ANGPTL2: variants seen among roughly 807,000 people sequenced by gnomAD.
The protein encoded by ANGPTL2 is angiopoietin-related protein 2.
A neutral mutation model predicts 52.8 loss-of-function variants in ANGPTL2; 25 were observed. That is an observed-to-expected ratio of 0.47 (90% CI 0.35 to 0.66). ANGPTL2 has a LOEUF of 0.66. Ranked by LOEUF, ANGPTL2 falls within the 30% of genes least tolerant of loss-of-function variation. The pLI, the probability that ANGPTL2 is intolerant of heterozygous loss-of-function variation, is 0.01. For missense variants in ANGPTL2, 546 were observed against 656.9 expected (o/e 0.83, Z 1.84); for synonymous variants, 276 against 277.4 (o/e 1.00, Z 0.05).
At chr9:127,114,198 T>G (rs1207172663) in intron 1 of ANGPTL2, among the ~76,000 whole-genome samples, 1 of 152,238 alleles carries the variant, frequency 6.6e-6, no homozygotes, top group African/African-American at 2.4e-5. Context: ...GGGACACAAC[T>G]CACATTCATA....
At chr9:127,108,818 ACCACTGTCAGTG>A (rs1564596429) in intron 1 of ANGPTL2, 38 bp from the exon 2 acceptor site, 2 of 1,377,084 alleles carry the variant, frequency 1.5e-6, no homozygotes, top group African/African-American at 2.9e-5. Context: ...TGATGGTCCC[ACCACTGTCAGTG>A]CCCTGTGCCA....
At chr9:127,114,102 A>C (rs938670858) in intron 1 of ANGPTL2, among the ~76,000 whole-genome samples, 57 of 152,172 alleles carry the variant, frequency 3.7e-4, no homozygotes, top group African/African-American at 1.4e-3. Flanking sequence ...TATCTCACTT[A>C]ATCTTCCCAA....
intron 2 of ANGPTL2, among the ~76,000 whole-genome samples, chr9:127,102,537 A>G (rs960243654): frequency 1.6e-4 from 24 of 152,170 alleles, no homozygotes; most frequent in Non-Finnish European, 2.6e-4. Context: ...GATTTTTTTA[A>G]CAGTAACAAG....
chr9:127,108,080 G>C lies in ANGPTL2; in HGVS notation c.652C>G (p.Pro218Ala), dbSNP rs766591374. ...PSARPVPQPP[P>A]AAPPRVYQPP... The stretch of plus-strand genomic sequence containing the variant: ...TGGTAGACCCGGGGCGGGGCAGCGG[G>C]GGGTGGCTGGGGGACGGGCCTGGCC... The change falls in exon 2 of 5, where the codon CCC (proline) becomes GCC (alanine). Residue 218 changes from proline (P) to alanine (A), a missense_variant. Transcript: ENST00000373425. 6.2e-7 allele frequency: 1 copy of C among 1,611,612 alleles called. No homozygotes were observed. Among genetic ancestry groups the C allele is most frequent in the Non-Finnish European group, 8.5e-7 (1 of 1,178,760 alleles).
At chr9:127,089,490 C>T (rs955640542) in intron 4 of ANGPTL2, among the ~76,000 whole-genome samples, 23 of 152,226 alleles carry the variant, frequency 1.5e-4, no homozygotes, top group African/African-American at 5.5e-4. Context: ...GCAAAGGAGG[C>T]CCCAAGGGAA....
chr9:127,090,020 G>A lies in ANGPTL2; in HGVS notation c.1283-882C>T, dbSNP rs189924069. Among the ~76,000 whole-genome samples the A allele has an allele frequency of 5.1e-3, 770 of 152,328 alleles. 3 individuals carry two copies. Among genetic ancestry groups the A allele is most frequent in the Non-Finnish European group, 6.2e-3 (423 of 68,032 alleles). ...GGCCGTGGGATGAGGTGAGGAGGTC[G>A]CACTCAGTCTGAGGCAGAAAGCAAG... On this transcript the variant is annotated intron_variant, in intron 4 of 4. Transcript: ENST00000373425.
chr9:127,101,536 C>T (rs1004162974), intron 2 of ANGPTL2, among the ~76,000 whole-genome samples: 5 of 152,224 alleles, frequency 3.3e-5, no homozygotes, highest in Non-Finnish European at 7.3e-5. Flanking sequence ...TCCTGAGCTG[C>T]ATCCCCTTTG....
chr9:127,102,685 A>G (rs1458854076), intron 2 of ANGPTL2, among the ~76,000 whole-genome samples: 7 of 152,216 alleles, frequency 4.6e-5, no homozygotes, highest in Admixed American at 4.6e-4. Context: ...CCAAGGTACC[A>G]GAAGAGGAGG....
intron 4 of ANGPTL2, 45 bp from the exon 5 acceptor site, chr9:127,089,183 T>A: frequency 6.3e-7 from 1 of 1,599,414 alleles, no homozygotes; most frequent in Non-Finnish European, 8.6e-7. Context: ...AGGAGGCCAT[T>A]CTACTTGCGT....
chr9:127,117,588 G>A (rs2055570320), intron 1 of ANGPTL2, among the ~76,000 whole-genome samples: 1 of 152,216 alleles, frequency 6.6e-6, no homozygotes, highest in Non-Finnish European at 1.5e-5. Context: ...GGGGCTGTGG[G>A]GCACCTGACC....
Position 127,091,716 on chromosome 9 carries a change from G to A in ANGPTL2, c.1236C>T (p.Asn412=), listed in dbSNP as rs759995472. 1.2e-5 allele frequency: 20 copies of A among 1,613,878 alleles called. No homozygotes were observed. Among genetic ancestry groups the A allele is most frequent in the Middle Eastern group, 1.7e-4 (1 of 6,018 alleles). Residue 412 remains asparagine (N), a synonymous_variant, in exon 4 of 5, where the codon AAC becomes AAT. Coordinates refer to ENST00000373425, the MANE Select transcript of ANGPTL2 (RefSeq NM_012098.3). The surrounding 1 kb of genome is among the most constrained non-coding windows in gnomAD (Gnocchi z 4.3). ...TGTCCAGGGTGGTGAACTGCTTGCCGTTGTGCCATGTAAAGGAGTCACCCG... is the reference window on the plus strand; with the variant it reads ...TGTCCAGGGTGGTGAACTGCTTGCCATTGTGCCATGTAAAGGAGTCACCCG... ...GNAGDSFTWH[N]GKQFTTLDRD...
At chr9:127,110,064 C>G (rs1589532945) in intron 1 of ANGPTL2, among the ~76,000 whole-genome samples, 2 of 152,134 alleles carry the variant, frequency 1.3e-5, no homozygotes, top group African/African-American at 4.8e-5. Context: ...CCTCACATCC[C>G]CTCTGCAGCT....
rs367906872 is a variant in ANGPTL2, at chr9:127,107,896, C to T, written c.817+19G>A. 2.1e-4 allele frequency: 322 copies of T among 1,516,956 alleles called. No homozygotes were observed. The highest frequency in any genetic ancestry group is 2.8e-4 in the Non-Finnish European group (314 of 1,130,616). The allele number at this position is 1,516,956 out of a possible 1,614,324, so 94.0% of individuals were successfully genotyped here. A position where few individuals can be genotyped will look rare whatever the true frequency, so the allele number is the denominator to read the frequency against. ...CTGGCTCTGAGACCCACATGTAACA[C>T]GATCCCAGAAGCACTTACCCGACGG... is the stretch of plus-strand genomic sequence containing the variant. On this transcript the variant is annotated intron_variant, in intron 2 of 4. Transcript: ENST00000373425.
At chr9:127,117,924 G>A (rs1190632799) in intron 1 of ANGPTL2, among the ~76,000 whole-genome samples, 1 of 152,232 alleles carries the variant, frequency 6.6e-6, no homozygotes, top group Non-Finnish European at 1.5e-5. Flanking sequence ...TCTTGGTACT[G>A]CCTGTCTGGA....
At chr9:127,121,739 G>T (rs1222893028) in intron 1 of ANGPTL2, among the ~76,000 whole-genome samples, 1 of 152,226 alleles carries the variant, frequency 6.6e-6, no homozygotes, top group Non-Finnish European at 1.5e-5. Flanking sequence ...GCCCCTGGGT[G>T]ATGCGTCCGT....
chr9:127,105,214 C>G (rs761959463), intron 2 of ANGPTL2, among the ~76,000 whole-genome samples: 28 of 152,152 alleles, frequency 1.8e-4, no homozygotes, highest in African/African-American at 4.8e-4. Context: ...GGGATCCTTG[C>G]GTAACAAAGA....
chr9:127,119,336 A>G (rs1404034465), intron 1 of ANGPTL2, among the ~76,000 whole-genome samples: 1 of 152,228 alleles, frequency 6.6e-6, no homozygotes, highest in Non-Finnish European at 1.5e-5. Flanking sequence ...TTGGTGCAGC[A>G]TTCGATAGGA....
chr9:127,093,805 G>T lies in ANGPTL2; in HGVS notation c.939C>A (p.Pro313=). The change falls in exon 3 of 5, where the codon CCC becomes CCA. Residue 313 remains proline, a synonymous_variant. Transcript: ENST00000373425. Reference sequence around the variant, plus strand: ...GTCTCTGGATGACGGTCCAGCCCCCGGGGTCGTGTCTCTGGTCGCACCACA... The same window carrying T: ...GTCTCTGGATGACGGTCCAGCCCCCTGGGTCGTGTCTCTGGTCGCACCACA... The part of the protein sequence containing the change: ...MQVWCDQRHD[P]GGWTVIQRRL... The T allele has an allele frequency of 6.2e-7, 1 of 1,613,994 alleles. No individual in the cohort carries two copies. Among genetic ancestry groups the T allele is most frequent in the South Asian group, 1.1e-5 (1 of 91,066 alleles).
chr9:127,108,886 ACT>A (rs2054527535), intron 1 of ANGPTL2, 106 bp from the exon 2 acceptor site: 2 of 801,352 alleles, frequency 2.5e-6, no homozygotes, highest in African/African-American at 1.7e-5. Context: ...CTTTCCAAAA[ACT>A]CTGCTTCAGG....
Sources: allele counts gnomAD v4.1 joint callset (sites outside exome capture counted in the v4.1 genomes callset), GRCh38; gene constraint gnomAD v4.1.1; non-coding constraint Gnocchi (gnomAD v3.1); transcripts MANE v1.5; gene names NCBI Gene and HGNC (gene_info 2026-07-23, HGNC 2026-07-21).